CDC45: variants seen among roughly 807,000 people sequenced by gnomAD.
CDC45 encodes cell division control protein 45 homolog.
A neutral mutation model predicts 77.8 loss-of-function variants in CDC45; 54 were observed. The observed-to-expected ratio is 0.69, with a 90% CI of 0.56 to 0.87. The LOEUF (loss-of-function observed/expected upper bound fraction) is 0.87, where lower values mean the gene tolerates loss of function less well. CDC45 is among the 40% of genes least tolerant of loss of function. The probability of loss-of-function intolerance (pLI) is 0.00; values close to 1 mark genes in which losing one functional copy is unlikely to be tolerated. For synonymous variants in CDC45, 260 were observed against 272.1 expected (o/e 0.96, Z 0.44); for missense variants, 649 against 721.6 (o/e 0.90, Z 1.15).
At chr22:19,509,205 G>A (rs1390605600) in intron 13 of CDC45, among the ~76,000 whole-genome samples, 1 of 152,106 alleles carries the variant, frequency 6.6e-6, no homozygotes, top group Non-Finnish European at 1.5e-5. Flanking sequence ...AATTTATTTG[G>A]GAATTAGAAA....
At chr22:19,511,329 C>CTTTTTTTTT (rs374439054) in intron 13 of CDC45, among the ~76,000 whole-genome samples, 6 of 126,338 alleles carry the variant, frequency 4.7e-5, no homozygotes, top group Non-Finnish European at 6.6e-5. Context: ...AGTCCTTTGT[C>CTTTTTTTTT]TTTTTTTTTT....
At chr22:19,513,743 C>T (rs796420912) in intron 13 of CDC45, among the ~76,000 whole-genome samples, 11 of 152,336 alleles carry the variant, frequency 7.2e-5, no homozygotes, top group African/African-American at 2.6e-4. Context: ...GATAAACTTT[C>T]TGAGTTCTTA....
chr22:19,508,805 C>T, intron 13 of CDC45, 114 bp downstream of exon 13: 1 of 952,768 alleles, frequency 1.0e-6, no homozygotes. Context: ...CCTGCAGAAA[C>T]TGCTTGGGTG....
chr22:19,495,559 T>A (rs1369540584), intron 6 of CDC45, among the ~76,000 whole-genome samples: 1 of 152,240 alleles, frequency 6.6e-6, no homozygotes, highest in Non-Finnish European at 1.5e-5. Flanking sequence ...GGCTCATGCC[T>A]ATAATCCCAA....
At chr22:19,487,292 C>CAAA (rs754969437) in intron 5 of CDC45, among the ~76,000 whole-genome samples, 2 of 59,524 alleles carry the variant, frequency 3.4e-5, no homozygotes, top group Admixed American at 1.9e-4. Context: ...ACTCTTGTCT[C>CAAA]AAAAAAAAAA....
At chr22:19,514,120 C>G (rs769837091) in intron 13 of CDC45, among the ~76,000 whole-genome samples, 8 of 152,186 alleles carry the variant, frequency 5.3e-5, no homozygotes, top group African/African-American at 9.7e-5. Context: ...TTATCTGTTT[C>G]TTCAGGGTTA....
rs769396641 is a variant in CDC45 at position 19,499,157 on chromosome 22, GAC to G, written c.704+11_704+12del. On this transcript the variant is annotated splice_region_variant and intron_variant, in intron 9 of 18. Coordinates refer to ENST00000263201, the MANE Select transcript of CDC45 (RefSeq NM_003504.5). The stretch of plus-strand genomic sequence containing the variant: ...GTGCAAGACAAGATCACTCAGTAAG[GAC>G]ACACTCCCTTGCCTTGCAGGGTCAG... 2.4e-5 allele frequency: 39 copies of G among 1,613,822 alleles called. No homozygotes were observed. The African/African-American group carries it at 5.2e-4, about 22-fold the overall frequency.
At chr22:19,507,055 G>A (rs1270197034) in intron 10 of CDC45, among the ~76,000 whole-genome samples, 1 of 152,224 alleles carries the variant, frequency 6.6e-6, no homozygotes, top group Admixed American at 6.5e-5. Context: ...GGAGGTGCAG[G>A]ACGACAAGCT....
upstream of CDC45, chr22:19,479,594 T>C (rs774507480): frequency 1.7e-6 from 1 of 598,274 alleles, no homozygotes; most frequent in South Asian, 1.5e-5. Flanking sequence ...GTTTAATGTA[T>C]GGTTAGAAGT....
chr22:19,486,429 C>T (rs986259219), intron 5 of CDC45, among the ~76,000 whole-genome samples: 1 of 152,184 alleles, frequency 6.6e-6, no homozygotes, highest in Admixed American at 6.5e-5. Flanking sequence ...ACTGTCTTAA[C>T]CTAGAACCAT....
intron 15 of CDC45, 77 bp from the exon 16 acceptor site, chr22:19,516,450 C>T (rs1160022829): frequency 1.7e-5 from 20 of 1,195,376 alleles, no homozygotes; most frequent in Non-Finnish European, 2.1e-5. Flanking sequence ...AGTGACTGGG[C>T]GCTGTTGGGC....
chr22:19,493,525 AC>A (rs1210362008), intron 5 of CDC45, among the ~76,000 whole-genome samples: 1 of 151,374 alleles, frequency 6.6e-6, no homozygotes, highest in Admixed American at 6.6e-5. Flanking sequence ...GCTCACTGCT[AC>A]CTCCACCTCC....
At chr22:19,493,437 T>G (rs9618585) in intron 5 of CDC45, among the ~76,000 whole-genome samples, 62,998 of 148,136 alleles carry the variant, frequency 0.43, 14,539 homozygotes, top group Non-Finnish European at 0.52. Context: ...TTTTTTTTTT[T>G]TTGTTGTTGT....
intron 13 of CDC45, among the ~76,000 whole-genome samples, chr22:19,513,802 C>G (rs1601987431): frequency 6.6e-6 from 1 of 152,232 alleles, no homozygotes; most frequent in East Asian, 1.9e-4. Flanking sequence ...ATTCCCCCCA[C>G]AGAAAACATC....
intron 13 of CDC45, among the ~76,000 whole-genome samples, chr22:19,510,509 A>T (rs1379601431): frequency 1.3e-5 from 2 of 152,010 alleles, no homozygotes; most frequent in Non-Finnish European, 2.9e-5. Flanking sequence ...ATATTGTAGG[A>T]TGTATCGGGA....
intron 10 of CDC45, among the ~76,000 whole-genome samples, chr22:19,507,075 C>G (rs989857748): frequency 6.6e-6 from 1 of 152,204 alleles, no homozygotes; most frequent in Non-Finnish European, 1.5e-5. Flanking sequence ...TGGTGACGCC[C>G]AGCCTCCTAC....
At chr22:19,493,775 C>T (rs533106655) in intron 5 of CDC45, among the ~76,000 whole-genome samples, 2 of 152,192 alleles carry the variant, frequency 1.3e-5, no homozygotes, top group Admixed American at 6.5e-5. Context: ...GAAGGGTTTT[C>T]GGTATATTTA....
Position 19,516,705 on chromosome 22 carries a change from A to G in CDC45, c.1559+60A>G. The G allele has an allele frequency of 2.2e-6, 3 of 1,376,112 alleles. No individual in the cohort carries two copies. The South Asian group carries it at 3.5e-5, about 16-fold the overall frequency. 85.2% of individuals were successfully genotyped at this position (1,376,112 alleles called of 1,614,324 possible). ...TCGGGGGTGTTGGGGTTATCAGCTT[A>G]TTAGCCCTGCTGAGTAGAGTGGTAT... is the stretch of plus-strand genomic sequence containing the variant. On this transcript the variant is annotated intron_variant, in intron 16 of 18. Transcript: ENST00000263201.
rs138169310 is a variant in CDC45 at position 19,485,458 on chromosome 22, C to T, written c.486+1453C>T. On this transcript the variant is annotated intron_variant, in intron 5 of 18. Coordinates refer to ENST00000263201, the MANE Select transcript of CDC45 (RefSeq NM_003504.5). ...GGATGGAGCCAAGAGGATTCCTGGG[C>T]AGAGCATCCATAGACACTGCAGCTC... Among the ~76,000 whole-genome samples, 396 of 152,216 alleles carry T rather than the reference C, an allele frequency of 2.6e-3. 4 individuals carry two copies. The highest frequency in any genetic ancestry group is 9.4e-3 in the African/African-American group (392 of 41,520).
Sources: gnomAD v4.1 joint callset for allele counts (sites outside exome capture counted in the v4.1 genomes callset) on GRCh38, gnomAD v4.1.1 for gene constraint, MANE v1.5 for transcripts, NCBI Gene and HGNC (gene_info 2026-07-23, HGNC 2026-07-21) for gene names.